Variants in ZNF44 observed in about 807,000 individuals in gnomAD.
ZNF44 encodes the protein zinc finger protein 44, also known as gonadotropin inducible transcription repressor-2.
ZNF44 carries 9 observed loss-of-function variants against 11.7 expected under a neutral mutation model. That is an observed-to-expected ratio of 0.77 (90% CI 0.46 to 1.35). The LOEUF (loss-of-function observed/expected upper bound fraction) is 1.35, where lower values mean the gene tolerates loss of function less well. Among genes scored for constraint, ZNF44 ranks in the 40% most tolerant of loss-of-function variants. ZNF44 has a pLI of 0.00. For synonymous variants in ZNF44, 224 were observed against 242.7 expected (o/e 0.92, Z 0.72); for missense variants, 696 against 743.1 (o/e 0.94, Z 0.74).
At position 12,275,855 on chromosome 19, in the gene ZNF44, G is replaced by T. The variant is rs145568498; in HGVS notation, c.130+101C>A. On this transcript the variant is annotated intron_variant, in intron 2 of 3. Transcript: ENST00000355684. ...ACTTCACCCTGTGTTGTTCAGGAATGAACTGTATCCCTTTTCCATATTTCA... is the reference window on the plus strand; with the variant it reads ...ACTTCACCCTGTGTTGTTCAGGAATTAACTGTATCCCTTTTCCATATTTCA... 2.2e-4 allele frequency: 308 copies of T among 1,397,468 alleles called. 1 individual carries two copies. In the African/African-American group the frequency reaches 4.0e-3, roughly 18 times the overall value. 86.6% of individuals were successfully genotyped at this position (1,397,468 alleles called of 1,614,324 possible).
chr19:12,227,401 A>C (rs915452617), intron 3 of ZNF44, among the ~76,000 whole-genome samples: 5 of 152,226 alleles, frequency 3.3e-5, no homozygotes, highest in Admixed American at 1.3e-4. Context: ...CAGGAGTTTC[A>C]GACCAGCCTC....
chr19:12,293,350 C>A (rs1381788605), intron 1 of ZNF44: 1 of 1,536,566 alleles, frequency 6.5e-7, no homozygotes, highest in African/African-American at 1.4e-5. Context: ...CTTAGGGTAG[C>A]CCCAGAAAGT....
chr19:12,294,595 G>A (rs1968167041), intron 1 of ZNF44, 97 bp downstream of exon 1: 2 of 1,497,958 alleles, frequency 1.3e-6, no homozygotes, highest in African/African-American at 2.8e-5. Context: ...AGACCCCAAA[G>A]ACGCTGCGGC....
At chr19:12,276,210 CTCTTAT>C (rs1488064715) in intron 1 of ZNF44, 128 bp from the exon 2 acceptor site, 1 of 1,410,372 alleles carries the variant, frequency 7.1e-7, no homozygotes. Flanking sequence ...GGTAAATCCA[CTCTTAT>C]TCTGTGTCTG....
At chr19:12,278,816 A>T (rs1439500707) in intron 1 of ZNF44, among the ~76,000 whole-genome samples, 1 of 152,200 alleles carries the variant, frequency 6.6e-6, no homozygotes, top group East Asian at 1.9e-4. Context: ...GCATATTTGA[A>T]AGCACCCAGA....
intron 5 of ZNF44, among the ~76,000 whole-genome samples, chr19:12,259,370 A>G (rs60826354): frequency 0.057 from 8,664 of 152,294 alleles, 341 homozygotes; most frequent in Middle Eastern, 0.14. Flanking sequence ...CATGAGCCCT[A>G]GTATTAATCC....
intron 7 of ZNF44, among the ~76,000 whole-genome samples, chr19:12,249,006 G>A (rs574659465): frequency 3.1e-4 from 47 of 151,260 alleles, no homozygotes; most frequent in South Asian, 2.9e-3. Flanking sequence ...TCTGCCACCC[G>A]GGTTCAACTG....
At chr19:12,285,141 G>A (rs1177638110) in intron 1 of ZNF44, 1 of 610,970 alleles carries the variant, frequency 1.6e-6, no homozygotes, top group Non-Finnish European at 2.9e-6. Flanking sequence ...CCACACCAGA[G>A]TCTCTGTGCA....
chr19:12,229,871 C>T (rs1028811447), intron 3 of ZNF44, among the ~76,000 whole-genome samples: 1 of 152,108 alleles, frequency 6.6e-6, no homozygotes, highest in African/African-American at 2.4e-5. Flanking sequence ...CTCAGCCTCC[C>T]AAAGTGCTGG....
intron 1 of ZNF44, among the ~76,000 whole-genome samples, chr19:12,282,353 G>A (rs1228590462): frequency 6.6e-6 from 1 of 151,320 alleles, no homozygotes; most frequent in African/African-American, 2.4e-5. Flanking sequence ...TCCCTGCCAA[G>A]ATAAAGAAGT....
intron 1 of ZNF44, 93 bp downstream of exon 1, chr19:12,294,599 C>A (rs1968167479): frequency 6.6e-7 from 1 of 1,507,098 alleles, no homozygotes; most frequent in Admixed American, 2.0e-5. Context: ...CCCAAAGACG[C>A]TGCGGCGAGG....
chr19:12,280,111 A>C (rs1361206411), intron 1 of ZNF44, among the ~76,000 whole-genome samples: 2 of 152,024 alleles, frequency 1.3e-5, no homozygotes. Flanking sequence ...CCCAGCTACT[A>C]GGGAGGCTGA....
In ZNF44 at chr19:12,263,029, C is replaced by T. The variant is rs2438537; in HGVS notation, c.1912+9458G>A. 1.2e-3 allele frequency among the ~76,000 whole-genome samples: 188 copies of T among 152,190 alleles called. 1 individual carries two copies. Among genetic ancestry groups the T allele is most frequent in the African/African-American group, 4.3e-3 (178 of 41,542 alleles). ...TTAAGGTGTAACACCTAGAGTAGTT[C>T]AGTCCCAGATTCAGTTTAAGGTTCT... is the stretch of plus-strand genomic sequence containing the variant. On this transcript the variant is annotated intron_variant and NMD_transcript_variant, in intron 5 of 7. Coordinates refer to the ZNF44 transcript ENST00000393337.
chr19:12,285,348 C>T lies in ZNF44; in HGVS notation c.4-9266G>A, dbSNP rs573473379. On this transcript the variant is annotated intron_variant, in intron 1 of 3. Transcript: ENST00000355684. ...TCGGCTCACTGCAACCTCCACCTCC[C>T]GGGTCCAAGCAATTCTCCTGGCTCA... 1.1e-4 allele frequency among the ~76,000 whole-genome samples: 17 copies of T among 152,258 alleles called. No homozygotes were observed. The East Asian group carries it at 2.9e-3, about 26-fold the overall frequency.
Position 12,273,144 on chromosome 19 carries a change from C to T in ZNF44, c.1111G>A (p.Gly371Arg), listed in dbSNP as rs1301150839. The T allele has an allele frequency of 6.2e-7, 1 of 1,613,794 alleles. No individual in the cohort carries two copies. Among genetic ancestry groups the T allele is most frequent in the Admixed American group, 1.7e-5 (1 of 60,006 alleles). Residue 371 changes from glycine to arginine, a missense_variant, in exon 4 of 4, where the codon GGG (glycine) becomes AGG (arginine). Coordinates refer to ENST00000355684, the MANE Select transcript of ZNF44 (RefSeq NM_016264.4). The stretch of plus-strand genomic sequence containing the variant: ...CTTGAGCGATGAGATAACAATTTCC[C>T]ACATTGCTTACATTCATAGGGTTTC... ...LEKPYECKQC[G>R]KLLSHRSSFR... is the part of the protein sequence containing the mutation.
chr19:12,244,128 A>T (rs558800047), downstream of ZNF44, among the ~76,000 whole-genome samples: 1 of 152,234 alleles, frequency 6.6e-6, no homozygotes, highest in South Asian at 2.1e-4. Context: ...TTCCTGACTC[A>T]CACTTCTGAG....
intron 1 of ZNF44, among the ~76,000 whole-genome samples, chr19:12,292,048 C>T (rs1320027230): frequency 2.0e-5 from 3 of 150,218 alleles, no homozygotes; most frequent in Non-Finnish European, 4.4e-5. Flanking sequence ...TGGAATAGGG[C>T]CTGGGTCCAG....
chr19:12,260,482 G>T, intron 5 of ZNF44: 1 of 1,317,832 alleles, frequency 7.6e-7, no homozygotes, highest in Non-Finnish European at 1.1e-6. Flanking sequence ...ATCCTGTGCA[G>T]CCAGAAGCCT....
chr19:12,292,855 G>GTTTTTTTTTTTTTTTTTTTTTTT (rs71166664), intron 1 of ZNF44, among the ~76,000 whole-genome samples: 6 of 76,914 alleles, frequency 7.8e-5, no homozygotes, highest in African/African-American at 2.4e-4. Flanking sequence ...CAGAGGTTAG[G>GTTTTTTTTTTTTTTTTTTTTTTT]TTTTTTTTTT....
Sources: gnomAD v4.1 joint callset for allele counts (sites outside exome capture counted in the v4.1 genomes callset) on GRCh38, gnomAD v4.1.1 for gene constraint, MANE v1.5 for transcripts, NCBI Gene and HGNC (gene_info 2026-07-23, HGNC 2026-07-21) for gene names.